VIRMA: variants seen among roughly 807,000 people sequenced by gnomAD.
The protein encoded by VIRMA is vir like m6A methyltransferase associated.
A neutral mutation model predicts 182.4 loss-of-function variants in VIRMA; 65 were observed. That is an observed-to-expected ratio of 0.36 (90% CI 0.29 to 0.44). The LOEUF (loss-of-function observed/expected upper bound fraction) is 0.44. Among genes scored for constraint, VIRMA ranks in the 20% least tolerant of loss-of-function variants. The pLI, the probability that VIRMA is intolerant of heterozygous loss-of-function variation, is 1.00. For synonymous variants in VIRMA, 709 were observed against 743.1 expected (o/e 0.95, Z 0.75); for missense variants, 1,752 against 2,158.1 (o/e 0.81, Z 3.73).
At position 94,510,711 on chromosome 8, in the gene VIRMA, A is replaced by T. The variant is rs1814338171; in HGVS notation, c.3391-59T>A. The T allele has an allele frequency of 3.2e-6, 4 of 1,251,174 alleles. No homozygotes were observed. In the Admixed American group the frequency reaches 7.7e-5, roughly 24 times the overall value. The allele number at this position is 1,251,174 out of a possible 1,614,324, so 77.5% of individuals were successfully genotyped here. A position where few individuals can be genotyped will look rare whatever the true frequency, so the allele number is the denominator to read the frequency against. ...TTTTTTAATATTTATTTATAGTCAC[A>T]AAAACTGTTCAGGAAGAAATGTTAT... On this transcript the variant is annotated intron_variant, in intron 13 of 23. Coordinates refer to ENST00000297591, the MANE Select transcript of VIRMA (RefSeq NM_015496.5).
chr8:94,516,443 T>A (rs1490089642), intron 10 of VIRMA, among the ~76,000 whole-genome samples: 1 of 152,108 alleles, frequency 6.6e-6, no homozygotes, highest in Non-Finnish European at 1.5e-5. Flanking sequence ...ATACCATAAC[T>A]CCTATATTCT....
intron 8 of VIRMA, among the ~76,000 whole-genome samples, chr8:94,523,774 C>T (rs749222032): frequency 5.3e-5 from 8 of 149,582 alleles, no homozygotes; most frequent in Non-Finnish European, 8.9e-5. Context: ...GGATTACAGG[C>T]ATGCACCACC....
chr8:94,537,619 G>C (rs1036471765), intron 3 of VIRMA, among the ~76,000 whole-genome samples: 2 of 151,978 alleles, frequency 1.3e-5, no homozygotes, highest in Non-Finnish European at 2.9e-5. Context: ...AAATAAGAGA[G>C]GGGTCAATAA....
chr8:94,510,362 AT>A (rs1814319846), intron 14 of VIRMA, 54 bp downstream of exon 14: 2 of 1,420,072 alleles, frequency 1.4e-6, no homozygotes, highest in East Asian at 2.4e-5. Context: ...AAGGGAAAAA[AT>A]ATATGTGTCA....
chr8:94,528,231 C>CAAAAAAAAAAAAAAAAAA (rs11368037), intron 7 of VIRMA, among the ~76,000 whole-genome samples: 1 of 91,828 alleles, frequency 1.1e-5, no homozygotes, highest in Non-Finnish European at 2.4e-5. Context: ...GACTTTGTCT[C>CAAAAAAAAAAAAAAAAAA]AAAAAAAAAA....
intron 7 of VIRMA, among the ~76,000 whole-genome samples, 161 bp downstream of exon 7, chr8:94,528,909 G>A (rs1240298782): frequency 6.6e-6 from 1 of 152,192 alleles, no homozygotes; most frequent in Non-Finnish European, 1.5e-5. Context: ...GAGGAGAGAT[G>A]GAAATCTCAT....
At chr8:94,500,742 A>AC (rs1813946197) in intron 16 of VIRMA, among the ~76,000 whole-genome samples, 1 of 146,982 alleles carries the variant, frequency 6.8e-6, no homozygotes, top group Non-Finnish European at 1.5e-5. Context: ...CAGTAACCCC[A>AC]CTCCTAAGTG....
chr8:94,504,955 G>A (rs1054656314), intron 16 of VIRMA, among the ~76,000 whole-genome samples: 1 of 152,192 alleles, frequency 6.6e-6, no homozygotes, highest in African/African-American at 2.4e-5. Context: ...CAAAATCATA[G>A]ATAATACGAT....
At chr8:94,515,150 CAA>C (rs1217133627) in intron 10 of VIRMA, among the ~76,000 whole-genome samples, 199 bp from the exon 11 acceptor site, 3 of 149,880 alleles carry the variant, frequency 2.0e-5, no homozygotes, top group Non-Finnish European at 4.4e-5. Flanking sequence ...GGCTGGAGTA[CAA>C]AGGGCGTAAT....
At position 94,529,295 on chromosome 8, in the gene VIRMA, C is replaced by G. The variant is rs1815078717; in HGVS notation, c.655G>C (p.Glu219Gln). The change falls in exon 7 of 24, where the codon GAG (glutamate) becomes CAG (glutamine). Residue 219 changes from glutamate to glutamine, a missense_variant. Around this residue, in one of 11 missense-constraint regions of VIRMA, gnomAD observed 114 missense variants for 106.9 expected, o/e 1.07. Coordinates refer to ENST00000297591, the MANE Select transcript of VIRMA (RefSeq NM_015496.5). ...EDAPHREDYF[E>Q]PISPDRNSVP... ...GAATTCCGATCAGGAGAAATGGGCT[C>G]AAAGTAATCTTCTCTATGAGGAGCA... 2 of 1,613,258 alleles carry G rather than the reference C, an allele frequency of 1.2e-6. No homozygotes were observed. The highest frequency in any genetic ancestry group is 1.7e-6 in the Non-Finnish European group (2 of 1,179,254).
At chr8:94,542,011 A>G (rs1411657042) in intron 2 of VIRMA, among the ~76,000 whole-genome samples, 1 of 152,242 alleles carries the variant, frequency 6.6e-6, no homozygotes, top group Admixed American at 6.5e-5. Context: ...CGGAAAATGC[A>G]ACAAATAATC....
chr8:94,510,909 G>A, intron 13 of VIRMA: 1 of 1,126,758 alleles, frequency 8.9e-7, no homozygotes, highest in Non-Finnish European at 1.2e-6. Flanking sequence ...CACATGGTAA[G>A]GTGTGGGGGA....
chr8:94,519,301 G>A lies in VIRMA; in HGVS notation c.2197C>T (p.Arg733Ter), dbSNP rs1457464410. The A allele has an allele frequency of 1.9e-6, 3 of 1,613,166 alleles. No individual in the cohort carries two copies. Among genetic ancestry groups the A allele is most frequent in the Non-Finnish European group, 2.5e-6 (3 of 1,179,820 alleles). ...TGATCATAAAAGTGACACAGAGCTCGGATCAATAAATTTGTTGCTTCATAT... is the reference window on the plus strand; with the variant it reads ...TGATCATAAAAGTGACACAGAGCTCAGATCAATAAATTTGTTGCTTCATAT... ...SEYEATNLLI[R>*]ALCHFYDQDE... Residue 733 changes from arginine (R) to a stop codon, truncating the protein, a stop_gained, in exon 9 of 24, where the codon CGA becomes TGA. Transcript: ENST00000297591. LOFTEE classifies it high-confidence loss of function.
At chr8:94,537,427 A>G (rs1815382388) in intron 3 of VIRMA, among the ~76,000 whole-genome samples, 1 of 152,176 alleles carries the variant, frequency 6.6e-6, no homozygotes, top group African/African-American at 2.4e-5. Context: ...AGAGTAGAGA[A>G]CCACTGCATT....
rs996609713 is a variant in VIRMA, at chr8:94,510,507, C to T, written c.3536G>A (p.Arg1179His). 8.7e-6 allele frequency: 14 copies of T among 1,613,980 alleles called. No homozygotes were observed. The highest frequency in any genetic ancestry group is 8.3e-5 in the Admixed American group (5 of 59,992). The change falls in exon 14 of 24, where the codon CGT (arginine) becomes CAT (histidine). Residue 1179 changes from arginine (R) to histidine (H), a missense_variant. By Grantham distance (29) the Arg-to-His change is conservative (BLOSUM62 0). Around this residue, in one of 11 missense-constraint regions of VIRMA, gnomAD observed 777 missense variants for 920.6 expected, o/e 0.84. Coordinates refer to ENST00000297591, the MANE Select transcript of VIRMA (RefSeq NM_015496.5). ...TCQPIQHMLR[R>H]ICVQLCDLAS... ...AAGGTCACACAATTGAACACAAATA[C>T]GCCGTAACATATGTTGAATGGGCTG...
rs1179895821 is a variant in VIRMA at position 94,519,424 on chromosome 8, G to A, written c.2074C>T (p.Pro692Ser). Reference sequence around the variant, plus strand: ...ACACCAGGGTGAGCACTTGTTACTGGAATTGACAGAAGCAAGGTAACCAAC... The same window carrying A: ...ACACCAGGGTGAGCACTTGTTACTGAAATTGACAGAAGCAAGGTAACCAAC... ...LELVTLLLSI[P>S]VTSAHPGVLQ... Residue 692 changes from proline to serine, a missense_variant, in exon 9 of 24, where the codon CCA becomes TCA. Physicochemically the swap from Pro to Ser is moderately conservative, Grantham distance 74. This residue lies in a region of VIRMA where 401 missense variants were observed against 455.1 expected (regional missense o/e 0.88). Transcript: ENST00000297591. The A allele has an allele frequency of 6.5e-7, 1 of 1,529,722 alleles. No homozygotes were observed. The highest frequency in any genetic ancestry group is 1.3e-5 in the South Asian group (1 of 75,200). 94.8% of individuals were successfully genotyped at this position (1,529,722 alleles called of 1,614,324 possible). A position where few individuals can be genotyped will look rare whatever the true frequency, so the allele number is the denominator to read the frequency against.
chr8:94,494,196 T>A (rs952897023), intron 20 of VIRMA, among the ~76,000 whole-genome samples: 2 of 152,368 alleles, frequency 1.3e-5, no homozygotes, highest in Non-Finnish European at 2.9e-5. Context: ...GGCTCACGCC[T>A]GTAATCCCAT....
At chr8:94,503,498 A>G (rs1157684638) in intron 16 of VIRMA, among the ~76,000 whole-genome samples, 1 of 152,208 alleles carries the variant, frequency 6.6e-6, no homozygotes, top group Non-Finnish European at 1.5e-5. Context: ...ACAAGTGAGC[A>G]GTACTCTCCA....
chr8:94,549,800 T>C (rs1327526389), intron 1 of VIRMA, among the ~76,000 whole-genome samples: 1 of 152,130 alleles, frequency 6.6e-6, no homozygotes, highest in African/African-American at 2.4e-5. Flanking sequence ...ATGACTACCT[T>C]TGAAAACTCA....
Sources: allele counts gnomAD v4.1 joint callset (sites outside exome capture counted in the v4.1 genomes callset), GRCh38; gene constraint gnomAD v4.1.1; regional missense constraint gnomAD v4.1.1; transcripts MANE v1.5; gene names NCBI Gene and HGNC (gene_info 2026-07-23, HGNC 2026-07-21).